Variants in ANXA8 observed in about 807,000 individuals in gnomAD.
The protein encoded by ANXA8 is VAC-beta.
ANXA8 carries 9 observed loss-of-function variants against 26.8 expected under a neutral mutation model. That is an observed-to-expected ratio of 0.34 (90% CI 0.20 to 0.59). ANXA8 has a LOEUF of 0.59. ANXA8 is among the 20% of genes least tolerant of loss of function. The pLI is 0.84. For synonymous variants in ANXA8, 39 were observed against 94.8 expected (o/e 0.41, Z 3.42); for missense variants, 83 against 238.5 (o/e 0.35, Z 4.29).
chr10:47,947,370 A>T, the ANXA8 span, among the ~76,000 whole-genome samples: 4 of 141,454 alleles, frequency 2.8e-5, no homozygotes, highest in East Asian at 9.8e-4. Context: ...CTATGGTTGC[A>T]TGTGTCCCAC....
At chr10:47,942,800 T>C in the ANXA8 span, among the ~76,000 whole-genome samples, 4 of 145,868 alleles carry the variant, frequency 2.7e-5, no homozygotes, top group East Asian at 2.1e-4. Flanking sequence ...GAGATGGTGC[T>C]AAGCCTACAG....
chr10:47,648,242 G>A, the ANXA8 span, among the ~76,000 whole-genome samples: 2 of 151,870 alleles, frequency 1.3e-5, no homozygotes, highest in East Asian at 3.9e-4. Flanking sequence ...CCCAATAGCA[G>A]AACGTAGCAG....
At chr10:47,521,212 A>C in the ANXA8 span, among the ~76,000 whole-genome samples, 2 of 131,900 alleles carry the variant, frequency 1.5e-5, 1 homozygote, top group Non-Finnish European at 3.1e-5. Flanking sequence ...AAAGAATGAC[A>C]ATAAAGAGCC....
chr10:47,664,204 C>T, the ANXA8 span, among the ~76,000 whole-genome samples: 7 of 151,852 alleles, frequency 4.6e-5, no homozygotes, highest in East Asian at 1.9e-4. Flanking sequence ...GGTGAAACCC[C>T]GTCTCTACTA....
At chr10:47,651,435 A>T in the ANXA8 span, among the ~76,000 whole-genome samples, 1 of 151,498 alleles carries the variant, frequency 6.6e-6, no homozygotes, top group Non-Finnish European at 1.5e-5. Context: ...AAAGTTAAAC[A>T]TACAGTTGCC....
chr10:47,606,996 T>C, the ANXA8 span, among the ~76,000 whole-genome samples: 1 of 150,396 alleles, frequency 6.6e-6, no homozygotes, highest in Non-Finnish European at 1.5e-5. Context: ...TGAAGCAATC[T>C]GGCTTAGCTT....
chr10:47,607,957 TA>T, the ANXA8 span, among the ~76,000 whole-genome samples: 5 of 140,584 alleles, frequency 3.6e-5, no homozygotes, highest in Non-Finnish European at 7.6e-5. Flanking sequence ...AGTACATCAA[TA>T]AAAATTTTAT....
the ANXA8 span, among the ~76,000 whole-genome samples, chr10:47,721,487 G>A: frequency 7.1e-6 from 1 of 140,094 alleles, no homozygotes; most frequent in Admixed American, 7.2e-5. Flanking sequence ...ATGTTGAATG[G>A]TCATGTTAAG....
chr10:47,591,074 G>A, the ANXA8 span, among the ~76,000 whole-genome samples: 1 of 143,938 alleles, frequency 6.9e-6, no homozygotes, highest in Non-Finnish European at 1.5e-5. Context: ...AACGCATCTT[G>A]TCCTCCTACC....
the ANXA8 span, among the ~76,000 whole-genome samples, chr10:47,737,681 G>GT: frequency 0.019 from 2,761 of 145,554 alleles, no homozygotes; most frequent in Middle Eastern, 0.028. Context: ...ATGTTGCAGT[G>GT]TTTTTTAGTA....
chr10:47,627,205 T>C, the ANXA8 span, among the ~76,000 whole-genome samples: 4 of 150,322 alleles, frequency 2.7e-5, no homozygotes, highest in African/African-American at 1.0e-4. Context: ...CATGTACTCT[T>C]AACTTCCTTC....
chr10:47,776,111 G>A, the ANXA8 span, among the ~76,000 whole-genome samples: 1 of 152,054 alleles, frequency 6.6e-6, no homozygotes, highest in African/African-American at 2.4e-5. Flanking sequence ...GGAGGAAACC[G>A]GTCTGGGAAG....
chr10:47,688,307 G>A, the ANXA8 span, among the ~76,000 whole-genome samples: 10 of 148,022 alleles, frequency 6.8e-5, 1 homozygote, highest in Non-Finnish European at 1.5e-5. Context: ...AGAGATGGTG[G>A]TCTTACTATG....
the ANXA8 span, among the ~76,000 whole-genome samples, chr10:47,937,885 CAT>C: frequency 3.7e-5 from 5 of 136,284 alleles, no homozygotes; most frequent in Non-Finnish European, 6.5e-5. Flanking sequence ...CATAGTATTC[CAT>C]AGTGTATATG....
At chr10:47,684,427 G>T in the ANXA8 span, among the ~76,000 whole-genome samples, 56 of 151,482 alleles carry the variant, frequency 3.7e-4, no homozygotes, top group South Asian at 3.1e-3. Context: ...TTTTTTTGGG[G>T]GGGGGGTGAG....
chr10:47,619,631 G>C, the ANXA8 span, among the ~76,000 whole-genome samples: 1 of 114,650 alleles, frequency 8.7e-6, no homozygotes, highest in Admixed American at 9.1e-5. Flanking sequence ...AATCAGAATT[G>C]TTAATGATAG....
the ANXA8 span, among the ~76,000 whole-genome samples, chr10:47,644,382 A>G: frequency 6.6e-6 from 1 of 151,746 alleles, no homozygotes; most frequent in African/African-American, 2.4e-5. Context: ...TTTGTGGGCC[A>G]TATAATCTCT....
At chr10:47,709,822 C>T in the ANXA8 span, among the ~76,000 whole-genome samples, 1 of 81,408 alleles carries the variant, frequency 1.2e-5, no homozygotes, top group Admixed American at 1.5e-4. Flanking sequence ...GGAAGAACGG[C>T]AGAGGCTAGG....
chr10:47,976,668 T>C, the ANXA8 span, among the ~76,000 whole-genome samples: 2 of 148,342 alleles, frequency 1.3e-5, no homozygotes, highest in Non-Finnish European at 3.0e-5. Flanking sequence ...AAAAATCCCA[T>C]CCTCAGAAAG....
Sources: allele counts gnomAD v4.1 joint callset (sites outside exome capture counted in the v4.1 genomes callset), GRCh38; gene constraint gnomAD v4.1.1; transcripts MANE v1.5; gene names NCBI Gene and HGNC (gene_info 2026-07-23, HGNC 2026-07-21).